SSPN: variants seen among roughly 807,000 people sequenced by gnomAD.
The protein encoded by SSPN is K-ras oncogene-associated protein.
Under a neutral mutation model 19.1 loss-of-function variants are expected in SSPN, and 15 were observed. The ratio of observed to expected loss-of-function variants is 0.78; its 90% CI spans 0.52 to 1.21. The LOEUF is 1.21. Among genes scored for constraint, SSPN ranks in the 50% most tolerant of loss-of-function variants. The pLI is 0.00. For synonymous variants in SSPN, 147 were observed against 140.3 expected, an observed-to-expected ratio of 1.05 and a Z score of -0.34; for missense variants, 291 against 314.0, an observed-to-expected ratio of 0.93 and a Z score of 0.55.
chr12:26,167,328 A>G (rs1203648280), intron 1 of SSPN, among the ~76,000 whole-genome samples: 1 of 152,136 alleles, frequency 6.6e-6, no homozygotes, highest in Non-Finnish European at 1.5e-5. Context: ...TGCTACCTAC[A>G]TATTAAAAAC....
chr12:26,226,496 C>A (rs909172694), intron 2 of SSPN, among the ~76,000 whole-genome samples: 10 of 152,042 alleles, frequency 6.6e-5, no homozygotes, highest in African/African-American at 2.4e-4. Context: ...AAAATAGCCA[C>A]GGGCTCTTTT....
chr12:26,122,206 C>T (rs1254281610), intron 1 of SSPN: 16 of 1,375,980 alleles, frequency 1.2e-5, no homozygotes, highest in African/African-American at 1.5e-5. Flanking sequence ...GGCGCCACCT[C>T]GTGCGGCAGG....
chr12:26,122,300 A>AGCG (rs1266833600), intron 1 of SSPN: 22 of 1,164,866 alleles, frequency 1.9e-5, no homozygotes, highest in South Asian at 4.4e-5. Context: ...CGGCGGCGGC[A>AGCG]GCGGCGGCGG....
chr12:26,201,026 T>TA (rs1473461241), intron 1 of SSPN, among the ~76,000 whole-genome samples: 2 of 44,786 alleles, frequency 4.5e-5, no homozygotes, highest in African/African-American at 1.6e-4. Flanking sequence ...TATATATATA[T>TA]ATATATATAT....
intron 1 of SSPN, among the ~76,000 whole-genome samples, chr12:26,175,394 T>C (rs972541996): frequency 6.6e-6 from 1 of 152,236 alleles, no homozygotes; most frequent in African/African-American, 2.4e-5. Flanking sequence ...ATTATTTGTG[T>C]TTTGATTACT....
chr12:26,163,869 A>G (rs1944604657), intron 1 of SSPN, among the ~76,000 whole-genome samples: 1 of 152,230 alleles, frequency 6.6e-6, no homozygotes, highest in South Asian at 2.1e-4. Flanking sequence ...TATTCAACAA[A>G]TTTAAATTAC....
At chr12:26,165,567 G>A (rs1401895746) in intron 1 of SSPN, among the ~76,000 whole-genome samples, 1 of 152,208 alleles carries the variant, frequency 6.6e-6, no homozygotes, top group Admixed American at 6.5e-5. Context: ...CTCACACAGT[G>A]GCATGCAACC....
chr12:26,160,414 C>T (rs1381156662), intron 1 of SSPN, among the ~76,000 whole-genome samples: 5 of 152,222 alleles, frequency 3.3e-5, no homozygotes, highest in Non-Finnish European at 7.3e-5. Context: ...AAAGTAATCA[C>T]TGCAATCTGA....
chr12:26,224,800 G>A (rs1422271087), intron 2 of SSPN, among the ~76,000 whole-genome samples: 2 of 152,088 alleles, frequency 1.3e-5, no homozygotes, highest in Non-Finnish European at 2.9e-5. Flanking sequence ...AGTACATTGG[G>A]CGCATCCAAA....
chr12:26,214,928 C>T (rs984213421), intron 1 of SSPN, among the ~76,000 whole-genome samples: 2 of 152,054 alleles, frequency 1.3e-5, no homozygotes, highest in African/African-American at 4.8e-5. Context: ...TGATTCAATG[C>T]TTCTTACATT....
intron 1 of SSPN, among the ~76,000 whole-genome samples, chr12:26,163,994 T>C (rs1944605452): frequency 6.6e-6 from 1 of 152,216 alleles, no homozygotes; most frequent in Admixed American, 6.5e-5. Flanking sequence ...ATCATTTGAA[T>C]GTTTATCTTA....
Position 26,169,427 on chromosome 12 carries a change from T to C in SSPN, c.-31+47275T>C, listed in dbSNP as rs116427919. ...AGATTTAGGAACATTATAGAAGGAA[T>C]ACAAAGGGATAGGAGGCTTAGTATT... is the stretch of plus-strand genomic sequence containing the variant. On this transcript the variant is annotated intron_variant, in intron 1 of 2. Transcript: ENST00000538142. Among the ~76,000 whole-genome samples, 927 of 152,246 alleles carry C rather than the reference T, an allele frequency of 6.1e-3. 12 individuals carry two copies. Among genetic ancestry groups the C allele is most frequent in the African/African-American group, 0.021 (873 of 41,534 alleles).
At chr12:26,188,087 A>G (rs1406611452) in intron 1 of SSPN, among the ~76,000 whole-genome samples, 2 of 152,220 alleles carry the variant, frequency 1.3e-5, no homozygotes, top group African/African-American at 4.8e-5. Flanking sequence ...AGTTCATAGC[A>G]ACCTTCTGAG....
At chr12:26,157,975 G>C (rs905831927) in intron 1 of SSPN, among the ~76,000 whole-genome samples, 3 of 151,934 alleles carry the variant, frequency 2.0e-5, no homozygotes, top group African/African-American at 7.2e-5. Flanking sequence ...CTGTGGTAAA[G>C]TAATCATAAA....
intron 1 of SSPN, among the ~76,000 whole-genome samples, chr12:26,205,259 G>A (rs950368019): frequency 7.9e-5 from 12 of 152,122 alleles, no homozygotes; most frequent in African/African-American, 2.7e-4. Context: ...TTTTTAAAGC[G>A]TTAGATTCAG....
chr12:26,136,772 A>C, intron 1 of SSPN, among the ~76,000 whole-genome samples: 1 of 152,214 alleles, frequency 6.6e-6, no homozygotes, highest in Non-Finnish European at 1.5e-5. Flanking sequence ...TTAAGAGTCC[A>C]TGGTACTTCG....
intron 1 of SSPN, among the ~76,000 whole-genome samples, chr12:26,137,636 G>GTGTATATATATATATATATATATATA (rs1555175653): frequency 1.3e-4 from 4 of 31,378 alleles, no homozygotes; most frequent in Admixed American, 1.4e-3. Flanking sequence ...GTGTGTGTAT[G>GTGTATATATATATATATATATATATA]TATATATATA....
At chr12:26,122,636 C>T (rs1363920527) in intron 1 of SSPN, 5 of 1,285,414 alleles carry the variant, frequency 3.9e-6, no homozygotes, top group Non-Finnish European at 3.0e-6. Flanking sequence ...CGCCGCCCCC[C>T]GGGCCGCCGC....
At chr12:26,122,313 G>A (rs1944315825) in intron 1 of SSPN, 3 of 1,172,854 alleles carry the variant, frequency 2.6e-6, no homozygotes, top group Non-Finnish European at 3.2e-6. Flanking sequence ...GGCGGCGGCG[G>A]CTGCCGCGGC....
Sources: gnomAD v4.1 joint callset for allele counts (sites outside exome capture counted in the v4.1 genomes callset) on GRCh38, gnomAD v4.1.1 for gene constraint, MANE v1.5 for transcripts, NCBI Gene and HGNC (gene_info 2026-07-23, HGNC 2026-07-21) for gene names.